ANKRD30B: variants seen among roughly 807,000 people sequenced by gnomAD.
ANKRD30B encodes ankyrin repeat domain 30B, also known as ankyrin repeat domain-containing protein 30B.
In ANKRD30B, 144 loss-of-function variants were observed where a neutral mutation model predicts 202.2. The observed-to-expected ratio is 0.71, with a 90% CI of 0.62 to 0.82. The LOEUF is 0.82. ANKRD30B is among the 40% of genes least tolerant of loss of function. ANKRD30B has a pLI of 0.00. For synonymous variants in ANKRD30B, 508 were observed against 561.3 expected, an observed-to-expected ratio of 0.91 and a Z score of 1.34; for missense variants, 1,487 against 1,669.1, an observed-to-expected ratio of 0.89 and a Z score of 1.90.
At chr18:14,753,131 G>A in intron 3 of ANKRD30B, 119 bp downstream of exon 3, 1 of 800,882 alleles carries the variant, frequency 1.2e-6, no homozygotes, top group Non-Finnish European at 1.8e-6. Context: ...TAATTTGAAA[G>A]AACTTAATTA....
At chr18:14,822,319 T>G (rs11877390) in intron 30 of ANKRD30B, among the ~76,000 whole-genome samples, 164 bp from the exon 31 acceptor site, 86,405 of 151,130 alleles carry the variant, frequency 0.57, 25,469 homozygotes, top group African/African-American at 0.71. Context: ...TTTCTGTCAC[T>G]CTGGCATGTT....
At chr18:14,893,637 A>G in the ANKRD30B span, among the ~76,000 whole-genome samples, 2 of 152,152 alleles carry the variant, frequency 1.3e-5, no homozygotes, top group Non-Finnish European at 2.9e-5. Flanking sequence ...AGTATTAACT[A>G]TGAAATCCTA....
At chr18:14,843,622 A>C (rs1449481173) in intron 39 of ANKRD30B, among the ~76,000 whole-genome samples, 2 of 150,312 alleles carry the variant, frequency 1.3e-5, no homozygotes. Context: ...GTGTGCATGT[A>C]TATGTGTGTT....
chr18:14,869,993 G>A, the ANKRD30B span, among the ~76,000 whole-genome samples: 4 of 151,846 alleles, frequency 2.6e-5, no homozygotes, highest in South Asian at 2.1e-4. Flanking sequence ...GGGCCACCAC[G>A]ACCTGCTAAG....
At position 14,763,670 on chromosome 18, in the gene ANKRD30B, A is replaced by G. The variant is rs751226338; in HGVS notation, c.821-16A>G. The G allele has an allele frequency of 6.2e-7, 1 of 1,612,180 alleles. No homozygotes were observed. The highest frequency in any genetic ancestry group is 1.1e-5 in the South Asian group (1 of 90,604). On this transcript the variant is annotated splice_polypyrimidine_tract_variant and intron_variant, in intron 6 of 43. Coordinates refer to ENST00000690538, the MANE Select transcript of ANKRD30B (RefSeq NM_001367607.2). ...TTAAGCAGAAAGAAAATTTAACCAGATTGTGTGTTTGGCAGAAGGAACATC... is the reference window on the plus strand; with the variant it reads ...TTAAGCAGAAAGAAAATTTAACCAGGTTGTGTGTTTGGCAGAAGGAACATC...
In ANKRD30B at chr18:14,850,365, A is replaced by G. The variant is rs994879328; in HGVS notation, c.3547A>G (p.Thr1183Ala). Residue 1183 changes from threonine (T) to alanine (A), a missense_variant, in exon 41 of 44, where the codon ACA (threonine) becomes GCA (alanine). By Grantham distance (58) the Thr-to-Ala change is moderately conservative. Transcript: ENST00000690538. The stretch of plus-strand genomic sequence containing the variant: ...ACAAGATATAGAATTGAAAAGTGTA[A>G]CAAGTAATTTGAATCAGGTAAATCA... ...RIQDIELKSVTSNLNQVSHTH... is the reference protein window; with the variant it reads ...RIQDIELKSVASNLNQVSHTH... 1.2e-5 allele frequency: 19 copies of G among 1,554,270 alleles called. No individual in the cohort carries two copies. The highest frequency in any genetic ancestry group is 1.6e-5 in the Non-Finnish European group (18 of 1,157,096).
At chr18:14,750,031 T>C (rs1913181422) in intron 1 of ANKRD30B, among the ~76,000 whole-genome samples, 1 of 152,060 alleles carries the variant, frequency 6.6e-6, no homozygotes, top group African/African-American at 2.4e-5. Context: ...TTTACACAGA[T>C]ACATTTTTAT....
intron 16 of ANKRD30B, among the ~76,000 whole-genome samples, 162 bp downstream of exon 16, chr18:14,791,653 G>A (rs1325597961): frequency 6.6e-6 from 1 of 152,130 alleles, no homozygotes. Flanking sequence ...TCAGGTGTTG[G>A]TAACAGAGTA....
At chr18:14,775,531 T>C (rs1159848471) in intron 9 of ANKRD30B, among the ~76,000 whole-genome samples, 1 of 152,212 alleles carries the variant, frequency 6.6e-6, no homozygotes, top group Non-Finnish European at 1.5e-5. Context: ...AGTATAGATC[T>C]GAAGGAACAT....
the ANKRD30B span, among the ~76,000 whole-genome samples, chr18:14,876,035 C>G: frequency 2.6e-5 from 4 of 152,102 alleles, no homozygotes; most frequent in Non-Finnish European, 5.9e-5. Context: ...CTGCTCAAGT[C>G]AGAGCAAGCC....
the ANKRD30B span, chr18:14,883,415 A>C: frequency 1.0e-4 from 4 of 38,286 alleles, no homozygotes; most frequent in African/African-American, 3.3e-4. Context: ...ATATATATAT[A>C]TATATATATA....
chr18:14,839,235 A>C (rs887284938), intron 36 of ANKRD30B, among the ~76,000 whole-genome samples: 7 of 152,258 alleles, frequency 4.6e-5, no homozygotes, highest in Admixed American at 3.9e-4. Flanking sequence ...AAAACAAAAC[A>C]GAGAATGTTC....
chr18:14,878,654 C>A, the ANKRD30B span, among the ~76,000 whole-genome samples: 1 of 152,296 alleles, frequency 6.6e-6, no homozygotes, highest in Admixed American at 6.5e-5. Flanking sequence ...CCCTTTATCC[C>A]AGCCCCCTTT....
intron 11 of ANKRD30B, among the ~76,000 whole-genome samples, chr18:14,781,102 A>T (rs1320886667): frequency 3.9e-5 from 1 of 25,818 alleles, no homozygotes; most frequent in East Asian, 8.3e-4. Context: ...CCATAGACCA[A>T]AAAAAAGACT....
chr18:14,758,124 C>A (rs1270519413), intron 5 of ANKRD30B, among the ~76,000 whole-genome samples, 172 bp downstream of exon 5: 1 of 152,108 alleles, frequency 6.6e-6, no homozygotes, highest in East Asian at 1.9e-4. Flanking sequence ...ACAGCTTTAT[C>A]CCTAGGGATC....
chr18:14,897,322 A>G, the ANKRD30B span, among the ~76,000 whole-genome samples: 2 of 152,270 alleles, frequency 1.3e-5, no homozygotes, highest in South Asian at 4.2e-4. Flanking sequence ...CTGCAATTAC[A>G]GGCATGCACC....
At chr18:14,904,887 C>A in the ANKRD30B span, among the ~76,000 whole-genome samples, 3 of 152,104 alleles carry the variant, frequency 2.0e-5, no homozygotes, top group African/African-American at 7.2e-5. Flanking sequence ...AAGGGTGAGA[C>A]CTACTGGGCT....
chr18:14,778,326 A>G (rs764391951), intron 10 of ANKRD30B, among the ~76,000 whole-genome samples: 1 of 152,232 alleles, frequency 6.6e-6, no homozygotes, highest in Non-Finnish European at 1.5e-5. Context: ...AGAGGGAATG[A>G]AGGCTGAGGA....
rs1967614613 is a variant in ANKRD30B, at chr18:14,779,935, ATGTATC to A, written c.1421-21_1421-16del. ...TTTATAATAAGGAATGCTCTCATGA[ATGTATC>A]TGTGATTAACATTTTTAGATCAGAT... On this transcript the variant is annotated intron_variant, in intron 10 of 43. Coordinates refer to ENST00000690538, the MANE Select transcript of ANKRD30B (RefSeq NM_001367607.2). 3 of 1,493,900 alleles carry A rather than the reference ATGTATC, an allele frequency of 2.0e-6. No homozygotes were observed. Among genetic ancestry groups the A allele is most frequent in the Non-Finnish European group, 2.8e-6 (3 of 1,076,382 alleles). 92.5% of individuals were successfully genotyped at this position (1,493,900 alleles called of 1,614,324 possible). A position where few individuals can be genotyped will look rare whatever the true frequency, so the allele number is the denominator to read the frequency against.
Sources: allele counts gnomAD v4.1 joint callset (sites outside exome capture counted in the v4.1 genomes callset), GRCh38; gene constraint gnomAD v4.1.1; transcripts MANE v1.5; gene names NCBI Gene and HGNC (gene_info 2026-07-23, HGNC 2026-07-21).